Variants in ACYP2 observed in about 807,000 individuals in gnomAD.
ACYP2 encodes the protein acylphosphatase 2, also known as acylphosphatase-2.
ACYP2 carries 12 observed loss-of-function variants against 11.2 expected under a neutral mutation model. That is an observed-to-expected ratio of 1.08 (90% confidence interval 0.69 to 1.74). The LOEUF (loss-of-function observed/expected upper bound fraction) is 1.74. Among genes scored for constraint, ACYP2 ranks in the 40% most tolerant of loss-of-function variants. The probability of loss-of-function intolerance (pLI) is 0.00; values close to 1 mark genes in which losing one functional copy is unlikely to be tolerated. For missense variants in ACYP2, 134 were observed against 101.9 expected (o/e 1.31, Z -1.35); for synonymous variants, 43 against 32.2 (o/e 1.33, Z -1.13).
chr2:54,166,786 C>A (rs1682993642), intron 6 of ACYP2, among the ~76,000 whole-genome samples: 1 of 152,128 alleles, frequency 6.6e-6, no homozygotes, highest in Non-Finnish European at 1.5e-5. Context: ...CTTCCAAGCC[C>A]CCCACCTCCA....
intron 6 of ACYP2, among the ~76,000 whole-genome samples, chr2:54,245,006 CCTTT>C (rs1686887705): frequency 1.3e-5 from 2 of 152,122 alleles, no homozygotes; most frequent in Admixed American, 1.3e-4. Flanking sequence ...AATTTTGTGT[CCTTT>C]AACGTATCTC....
intron 4 of ACYP2, among the ~76,000 whole-genome samples, chr2:54,073,273 T>A (rs1302225410): frequency 1.3e-5 from 2 of 151,958 alleles, no homozygotes; most frequent in Non-Finnish European, 2.9e-5. Flanking sequence ...ATGCCTGTAG[T>A]CCCAGCTACT....
intron 2 of ACYP2, among the ~76,000 whole-genome samples, chr2:53,988,157 G>A (rs1402727544): frequency 6.6e-6 from 1 of 151,990 alleles, no homozygotes; most frequent in African/African-American, 2.4e-5. Flanking sequence ...TTGAGTCCAG[G>A]AGTTCAAGAC....
At chr2:53,999,756 A>G (rs1171832045) in intron 2 of ACYP2, among the ~76,000 whole-genome samples, 2 of 152,180 alleles carry the variant, frequency 1.3e-5, no homozygotes, top group African/African-American at 2.4e-5. Context: ...AGAGCTTGCA[A>G]TGAGACGACC....
chr2:54,074,520 G>T (rs1302919863), intron 4 of ACYP2, among the ~76,000 whole-genome samples: 2 of 151,390 alleles, frequency 1.3e-5, no homozygotes, highest in Non-Finnish European at 2.9e-5. Context: ...TCACTGAATT[G>T]TACATTTTAA....
chr2:54,108,200 A>G (rs1054331872), intron 4 of ACYP2, among the ~76,000 whole-genome samples: 5 of 152,162 alleles, frequency 3.3e-5, no homozygotes, highest in Non-Finnish European at 7.4e-5. Flanking sequence ...CACATCTACA[A>G]TTTTAATTCT....
At chr2:54,261,631 C>A (rs1687783260) in intron 6 of ACYP2, among the ~76,000 whole-genome samples, 1 of 152,114 alleles carries the variant, frequency 6.6e-6, no homozygotes, top group Non-Finnish European at 1.5e-5. Context: ...TATTCTTTTT[C>A]AGTTCTTGTT....
intron 2 of ACYP2, among the ~76,000 whole-genome samples, chr2:54,028,516 C>T (rs1188115665): frequency 6.6e-6 from 1 of 152,126 alleles, no homozygotes; most frequent in Admixed American, 6.5e-5. Context: ...TCCAGACCCA[C>T]CAAAGAAGAA....
chr2:54,036,333 T>C (rs1016078565), intron 2 of ACYP2, among the ~76,000 whole-genome samples: 5 of 152,150 alleles, frequency 3.3e-5, no homozygotes, highest in African/African-American at 4.8e-5. Flanking sequence ...CTCAGGTGAT[T>C]TCTGCCCACC....
At chr2:54,165,149 G>C (rs928998927) in intron 6 of ACYP2, among the ~76,000 whole-genome samples, 2 of 152,014 alleles carry the variant, frequency 1.3e-5, no homozygotes, top group Admixed American at 6.6e-5. Flanking sequence ...CTTTGCTATT[G>C]CAAGTAGTGA....
At chr2:54,028,940 T>C (rs921723062) in intron 2 of ACYP2, among the ~76,000 whole-genome samples, 2 of 152,166 alleles carry the variant, frequency 1.3e-5, no homozygotes, top group African/African-American at 2.4e-5. Flanking sequence ...TGGAGGATCA[T>C]TGAGCTCAGC....
intron 2 of ACYP2, among the ~76,000 whole-genome samples, chr2:54,041,252 T>C (rs568291346): frequency 2.5e-4 from 38 of 152,096 alleles, no homozygotes; most frequent in African/African-American, 8.2e-4. Flanking sequence ...CGGCCAGCGG[T>C]GGCCTTTTCT....
intron 6 of ACYP2, among the ~76,000 whole-genome samples, chr2:54,149,739 A>G (rs184079465): frequency 2.0e-5 from 3 of 152,338 alleles, no homozygotes; most frequent in East Asian, 1.9e-4. Context: ...TATGTTATGT[A>G]TCAGTCCTCT....
At chr2:54,200,422 C>T (rs932027647) in intron 6 of ACYP2, among the ~76,000 whole-genome samples, 1 of 152,150 alleles carries the variant, frequency 6.6e-6, no homozygotes, top group East Asian at 1.9e-4. Flanking sequence ...CTCCCTATTT[C>T]CCTCTACCCT....
chr2:54,050,407 G>T (rs1675780088), intron 2 of ACYP2, among the ~76,000 whole-genome samples: 1 of 151,954 alleles, frequency 6.6e-6, no homozygotes, highest in South Asian at 2.1e-4. Flanking sequence ...AAAATTAGCA[G>T]ATGTGGTGGC....
chr2:54,160,092 A>T (rs1373660346), intron 6 of ACYP2, among the ~76,000 whole-genome samples: 1 of 152,312 alleles, frequency 6.6e-6, no homozygotes, highest in Middle Eastern at 3.4e-3. Flanking sequence ...AAAACTGATA[A>T]ACAAGTGGCT....
intron 2 of ACYP2, among the ~76,000 whole-genome samples, chr2:54,035,021 A>AAAAAAAAAAAAAAAAAAT: frequency 2.0e-5 from 3 of 147,032 alleles, no homozygotes; most frequent in Admixed American, 6.8e-5. Context: ...AAAAAAAAAA[A>AAAAAAAAAAAAAAAAAAT]AAAAAAAAAA....
intron 6 of ACYP2, among the ~76,000 whole-genome samples, chr2:54,276,619 T>TCACACACACACA (rs3071186): frequency 4.2e-4 from 61 of 146,212 alleles, no homozygotes; most frequent in South Asian, 1.4e-3. Context: ...GATTGTTCTT[T>TCACACACACACA]CACACACACA....
intron 4 of ACYP2, among the ~76,000 whole-genome samples, chr2:54,081,464 T>C (rs1677644226): frequency 1.3e-5 from 2 of 152,220 alleles, no homozygotes; most frequent in South Asian, 4.1e-4. Flanking sequence ...GAAATACTAC[T>C]GGGTTGCAAC....
Sources: allele counts gnomAD v4.1 joint callset (sites outside exome capture counted in the v4.1 genomes callset), GRCh38; gene constraint gnomAD v4.1.1; transcripts MANE v1.5; gene names NCBI Gene and HGNC (gene_info 2026-07-23, HGNC 2026-07-21).